Variants in PCDH10 observed in about 807,000 individuals in gnomAD.
PCDH10 encodes the protein protocadherin-10.
In PCDH10, 15 loss-of-function variants were observed where a neutral mutation model predicts 74.4. The ratio of observed to expected loss-of-function variants is 0.20; its 90% confidence interval spans 0.13 to 0.31. PCDH10 has a LOEUF of 0.31. Among genes scored for constraint, PCDH10 ranks in the 10% least tolerant of loss-of-function variants. The probability of loss-of-function intolerance (pLI) is 1.00; values close to 1 mark genes in which losing one functional copy is unlikely to be tolerated. For synonymous variants in PCDH10, 619 were observed against 589.8 expected (o/e 1.05, Z -0.72); for missense variants, 1,260 against 1,390.2 (o/e 0.91, Z 1.49).
chr4:133,156,421 G>A (rs1048225373), intron 3 of PCDH10, among the ~76,000 whole-genome samples: 14 of 152,218 alleles, frequency 9.2e-5, no homozygotes, highest in South Asian at 2.1e-4. Flanking sequence ...GGGCCTTCAC[G>A]CTAAGTGAAC....
chr4:133,162,973 A>G lies in PCDH10; in HGVS notation c.2798-4A>G, dbSNP rs1235798305. 3.7e-6 allele frequency: 6 copies of G among 1,603,496 alleles called. No individual in the cohort carries two copies. The highest frequency in any genetic ancestry group is 3.3e-5 in the South Asian group (3 of 90,658). ...CATCCGTAGTTTCTGTTTTCTGCTT[A>G]CAGGTATGGATCTCTTCTCCAATTG... is the stretch of plus-strand genomic sequence containing the variant. On this transcript the variant is annotated splice_polypyrimidine_tract_variant and splice_region_variant and intron_variant, in intron 3 of 4. Coordinates refer to ENST00000264360, the MANE Select transcript of PCDH10 (RefSeq NM_032961.3).
At chr4:133,160,186 T>C (rs1726938844) in intron 3 of PCDH10, among the ~76,000 whole-genome samples, 1 of 151,978 alleles carries the variant, frequency 6.6e-6, no homozygotes, top group South Asian at 2.1e-4. Flanking sequence ...TTTTTCTTCC[T>C]GAGAAATAGG....
rs1244142127 is a variant in PCDH10, at chr4:133,163,053, T to A, written c.2874T>A (p.Phe958Leu). ...GHSDRCWMPSFVPSDGRQAAD... is the reference protein window; with the variant it reads ...GHSDRCWMPSLVPSDGRQAAD... ...CAGATCGGTGCTGGATGCCTTCTTTTGTCCCTTCTGATGGACGCCAGGCTG... is the reference window on the plus strand; with the variant it reads ...CAGATCGGTGCTGGATGCCTTCTTTAGTCCCTTCTGATGGACGCCAGGCTG... The change falls in exon 4 of 5, where the codon TTT becomes TTA. Residue 958 changes from phenylalanine (F) to leucine (L), a missense_variant. Physicochemically the swap from Phe to Leu is conservative, Grantham distance 22 (BLOSUM62 0). Transcript: ENST00000264360. 1 of 1,614,060 alleles carries A rather than the reference T, an allele frequency of 6.2e-7. No individual in the cohort carries two copies. Among genetic ancestry groups the A allele is most frequent in the Non-Finnish European group, 8.5e-7 (1 of 1,180,014 alleles).
rs768229684 is a variant in PCDH10 at position 133,165,065 on chromosome 4, C to CAT, written c.3103+1793_3103+1794dup. Among the ~76,000 whole-genome samples the CAT allele has an allele frequency of 3.5e-3, 521 of 146,842 alleles. 2 individuals carry two copies. The highest frequency in any genetic ancestry group is 0.012 in the African/African-American group (481 of 40,312). On this transcript the variant is annotated intron_variant, in intron 4 of 4. Transcript: ENST00000264360. Reference sequence around the variant, plus strand: ...TCCAACATATATTCATATATATACACATATATATATACATACATATATTCA... The same window carrying CAT: ...TCCAACATATATTCATATATATACACATATATATATATACATACATATATTCA...
At chr4:133,180,652 A>G (rs1277455840) in intron 4 of PCDH10, among the ~76,000 whole-genome samples, 1 of 151,998 alleles carries the variant, frequency 6.6e-6, no homozygotes, top group Non-Finnish European at 1.5e-5. Context: ...CCCAAGAAAG[A>G]TTGATTAATT....
rs979669319 is a variant in PCDH10 at position 133,150,683 on chromosome 4, T to G, written c.543T>G (p.Ala181=). ...VQTQGDGNRF[A]ELVLEKPLDR... is the part of the protein sequence containing the mutation. The stretch of plus-strand genomic sequence containing the variant: ...CCCAGGGGGATGGCAACCGATTCGC[T>G]GAGCTGGTGCTGGAGAAGCCACTGG... The change falls in exon 1 of 5, where the codon GCT becomes GCG. Residue 181 remains alanine (A), a synonymous_variant. Coordinates refer to ENST00000264360, the MANE Select transcript of PCDH10 (RefSeq NM_032961.3). 9 of 1,611,982 alleles carry G rather than the reference T, an allele frequency of 5.6e-6. No individual in the cohort carries two copies. The highest frequency in any genetic ancestry group is 7.6e-6 in the Non-Finnish European group (9 of 1,179,866).
At chr4:133,186,310 A>T (rs1303443958) in intron 4 of PCDH10, among the ~76,000 whole-genome samples, 3 of 152,158 alleles carry the variant, frequency 2.0e-5, no homozygotes, top group Non-Finnish European at 4.4e-5. Context: ...CACTGAATGA[A>T]TAAAATTAAG....
chr4:133,150,733 G>T lies in PCDH10; in HGVS notation c.593G>T (p.Arg198Leu), dbSNP rs1393421720. ...PLDREQQAVH[R>L]YVLTAVDGGG... ...GACCGAGAGCAGCAAGCGGTGCACCGCTACGTGCTGACCGCGGTGGACGGA... is the reference window on the plus strand; with the variant it reads ...GACCGAGAGCAGCAAGCGGTGCACCTCTACGTGCTGACCGCGGTGGACGGA... Residue 198 changes from arginine (R) to leucine (L), a missense_variant, in exon 1 of 5, where the codon CGC (arginine) becomes CTC (leucine). Physicochemically the swap from Arg to Leu is moderately radical, Grantham distance 102. Transcript: ENST00000264360. 6.2e-7 allele frequency: 1 copy of T among 1,610,290 alleles called. No homozygotes were observed. The highest frequency in any genetic ancestry group is 2.2e-5 in the East Asian group (1 of 44,740).
rs1470477481 is a variant in PCDH10 at position 133,150,503 on chromosome 4, T to C, written c.363T>C (p.Ser121=). Residue 121 remains serine (S), a synonymous_variant, in exon 1 of 5, where the codon TCT becomes TCC. Coordinates refer to ENST00000264360, the MANE Select transcript of PCDH10 (RefSeq NM_032961.3). ...EVLDINDNPP[S]FPEPDLTVEI... ...TGGACATTAATGACAACCCCCCCTCTTTCCCGGAGCCAGACCTGACGGTGG... is the reference window on the plus strand; with the variant it reads ...TGGACATTAATGACAACCCCCCCTCCTTCCCGGAGCCAGACCTGACGGTGG... 4.3e-6 allele frequency: 7 copies of C among 1,613,582 alleles called. No homozygotes were observed. In the East Asian group the frequency reaches 1.3e-4, roughly 31 times the overall value.
At chr4:133,171,323 T>G (rs2125866569) in intron 4 of PCDH10, among the ~76,000 whole-genome samples, 1 of 152,266 alleles carries the variant, frequency 6.6e-6, no homozygotes, top group South Asian at 2.1e-4. Flanking sequence ...CTTTATTCCA[T>G]AAAAACATAT....
At chr4:133,176,368 A>G (rs1727296924) in intron 4 of PCDH10, among the ~76,000 whole-genome samples, 1 of 152,100 alleles carries the variant, frequency 6.6e-6, no homozygotes, top group African/African-American at 2.4e-5. Flanking sequence ...CATCCTCCAA[A>G]GCTCATTGTG....
chr4:133,208,306 G>T (rs1728091056), exon 3 of PCDH10: 1 of 152,166 alleles, frequency 6.6e-6, no homozygotes, highest in Non-Finnish European at 1.5e-5. Context: ...AAATATTTGT[G>T]GTTTTATGTT....
intron 4 of PCDH10, among the ~76,000 whole-genome samples, chr4:133,184,567 G>A (rs1727492354): frequency 2.0e-5 from 3 of 151,114 alleles, no homozygotes; most frequent in Non-Finnish European, 2.9e-5. Flanking sequence ...AGGTTGCAGT[G>A]AGCCAGGATC....
chr4:133,164,841 A>G (rs979455843), intron 4 of PCDH10, among the ~76,000 whole-genome samples: 60 of 151,016 alleles, frequency 4.0e-4, no homozygotes, highest in Middle Eastern at 7.0e-3. Flanking sequence ...AATCTGATTC[A>G]GGGATTATGA....
rs908247852 is a variant in PCDH10 at position 133,193,564 on chromosome 4, A to G, written c.*3404A>G. ...TGTACCATTTTACCTTCTAAACATT[A>G]TTTACTGGAGCTCAGTTAGTCTTTA... On this transcript the variant is annotated 3_prime_UTR_variant, in exon 5 of 5. Transcript: ENST00000264360. 1.3e-5 allele frequency: 2 copies of G among 151,588 alleles called. No individual in the cohort carries two copies. The highest frequency in any genetic ancestry group is 6.6e-5 in the Admixed American group (1 of 15,162). The allele number at this position is 151,588 out of a possible 1,614,324, so 9.4% of individuals were successfully genotyped here. A position where few individuals can be genotyped will look rare whatever the true frequency, so the allele number is the denominator to read the frequency against.
At position 133,152,425 on chromosome 4, in the gene PCDH10, G is replaced by T; in HGVS notation, c.2285G>T (p.Cys762Phe). Reference protein sequence around the residue: ...LASDCCLCCCCCGGGGSTCCG... With the variant: ...LASDCCLCCCFCGGGGSTCCG... ...AGCGATTGCTGCCTCTGCTGCTGCTGCTGCGGTGGCGGAGGTTCGACCTGC... is the reference window on the plus strand; with the variant it reads ...AGCGATTGCTGCCTCTGCTGCTGCTTCTGCGGTGGCGGAGGTTCGACCTGC... Residue 762 changes from cysteine (C) to phenylalanine (F), a missense_variant, in exon 1 of 5, where the codon TGC becomes TTC. Cys to Phe is a radical substitution (Grantham distance 205). Around this residue, in one of 11 missense-constraint regions of PCDH10, gnomAD observed 587 missense variants for 616.9 expected, o/e 0.95. Coordinates refer to ENST00000264360, the MANE Select transcript of PCDH10 (RefSeq NM_032961.3). 1 of 1,614,178 alleles carries T rather than the reference G, an allele frequency of 6.2e-7. No homozygotes were observed.
Position 133,152,288 on chromosome 4 carries a change from C to A in PCDH10, c.2148C>A (p.Leu716=). The A allele has an allele frequency of 6.2e-7, 1 of 1,614,144 alleles. No individual in the cohort carries two copies. The highest frequency in any genetic ancestry group is 8.5e-7 in the Non-Finnish European group (1 of 1,180,038). Residue 716 remains leucine (L), a synonymous_variant, in exon 1 of 5, where the codon CTC becomes CTA. Transcript: ENST00000264360. ...GGGAAACCTCGCTAGACCTCACCCT[C>A]ATCCTCATCATCGCGTTGGGCTCGG... ...GGGETSLDLT[L]ILIIALGSVS... is the part of the protein sequence containing the mutation.
intron 4 of PCDH10, among the ~76,000 whole-genome samples, chr4:133,173,458 C>T (rs1037555974): frequency 3.9e-5 from 6 of 151,954 alleles, no homozygotes; most frequent in African/African-American, 9.7e-5. Flanking sequence ...GATATGGAAA[C>T]ATTTTACCTA....
chr4:133,165,730 A>G (rs1727066053), intron 4 of PCDH10, among the ~76,000 whole-genome samples: 1 of 151,792 alleles, frequency 6.6e-6, no homozygotes, highest in Admixed American at 6.6e-5. Context: ...AGCTCTAAAA[A>G]GCCTAATGAG....
Sources: gnomAD v4.1 joint callset for allele counts (sites outside exome capture counted in the v4.1 genomes callset) on GRCh38, gnomAD v4.1.1 for gene constraint, gnomAD v4.1.1 regional missense constraint, MANE v1.5 for transcripts, NCBI Gene and HGNC (gene_info 2026-07-23, HGNC 2026-07-21) for gene names.